DLC1: variants seen among roughly 807,000 people sequenced by gnomAD.
DLC1 encodes DLC1 Rho GTPase activating protein, also known as rho GTPase-activating protein 7.
Under a neutral mutation model 140.3 loss-of-function variants are expected in DLC1, and 54 were observed. The observed-to-expected ratio is 0.38, with a 90% CI of 0.31 to 0.48. The LOEUF (loss-of-function observed/expected upper bound fraction) is 0.48. Among genes scored for constraint, DLC1 ranks in the 20% least tolerant of loss-of-function variants. The probability of loss-of-function intolerance (pLI) is 0.96; values close to 1 mark genes in which losing one functional copy is unlikely to be tolerated. For missense variants in DLC1, 2,536 were observed against 1,907.0 expected, an observed-to-expected ratio of 1.33 and a Z score of -6.14; for synonymous variants, 986 against 728.1, an observed-to-expected ratio of 1.35 and a Z score of -5.70.
chr8:13,603,196 A>T (rs1275890249), intron 1 of DLC1, among the ~76,000 whole-genome samples: 5 of 151,834 alleles, frequency 3.3e-5, no homozygotes, highest in Non-Finnish European at 7.4e-5. Flanking sequence ...ATCCATTTCT[A>T]TGTAGTGTTT....
chr8:13,173,368 C>CTTT (rs35778236), intron 5 of DLC1, among the ~76,000 whole-genome samples: 2,450 of 103,380 alleles, frequency 0.024, 9 homozygotes, highest in East Asian at 0.055. Flanking sequence ...GTTCTGCCCT[C>CTTT]TTTTTTTTTT....
chr8:13,097,515 C>T (rs1818605614), intron 10 of DLC1, among the ~76,000 whole-genome samples: 1 of 152,104 alleles, frequency 6.6e-6, no homozygotes. Context: ...CCACCTATGT[C>T]AGATTCCCAA....
At chr8:13,509,076 G>A (rs1276263675) in intron 1 of DLC1, among the ~76,000 whole-genome samples, 2 of 152,080 alleles carry the variant, frequency 1.3e-5, no homozygotes, top group Non-Finnish European at 2.9e-5. Flanking sequence ...ATTGAAATGT[G>A]GTTTGCTGTA....
chr8:13,455,554 C>G (rs537970587), intron 2 of DLC1, among the ~76,000 whole-genome samples: 23 of 152,294 alleles, frequency 1.5e-4, no homozygotes, highest in Admixed American at 3.3e-4. Context: ...TCCTTCACCC[C>G]CATCTGGAAA....
At chr8:13,563,634 T>G (rs914050810) in intron 1 of DLC1, among the ~76,000 whole-genome samples, 7 of 152,110 alleles carry the variant, frequency 4.6e-5, no homozygotes, top group Admixed American at 6.6e-5. Context: ...ATCTGTCAAT[T>G]TAATCTATAG....
At chr8:13,318,550 T>C (rs940780278) in intron 4 of DLC1, among the ~76,000 whole-genome samples, 1 of 152,160 alleles carries the variant, frequency 6.6e-6, no homozygotes, top group Admixed American at 6.5e-5. Flanking sequence ...AAATTTTCTC[T>C]TTTCTGCACA....
chr8:13,345,258 T>C (rs1240017196), intron 4 of DLC1, among the ~76,000 whole-genome samples: 6 of 152,296 alleles, frequency 3.9e-5, no homozygotes, highest in African/African-American at 1.4e-4. Context: ...CCAACTGTCA[T>C]GTATTCCACC....
At chr8:13,359,737 A>G (rs1158366692) in intron 4 of DLC1, among the ~76,000 whole-genome samples, 1 of 152,234 alleles carries the variant, frequency 6.6e-6, no homozygotes. Flanking sequence ...ATGACATAAA[A>G]TGATATAAAA....
chr8:13,291,053 A>G (rs1831737241), intron 5 of DLC1, among the ~76,000 whole-genome samples: 3 of 152,178 alleles, frequency 2.0e-5, no homozygotes, highest in Non-Finnish European at 2.9e-5. Context: ...GATTACAAGT[A>G]TGTGCCACCA....
chr8:13,113,585 A>C (rs1563624700), intron 6 of DLC1, among the ~76,000 whole-genome samples: 1 of 152,224 alleles, frequency 6.6e-6, no homozygotes, highest in African/African-American at 2.4e-5. Flanking sequence ...TAATTGAAGA[A>C]AACTTAGTTT....
rs533072616 is a variant in DLC1 at position 13,294,357 on chromosome 8, C to T, written c.1348+10912G>A. The stretch of plus-strand genomic sequence containing the variant: ...GAAAGCATTGCTGAGATAAATGGAA[C>T]GCTCAGAAGACAATGACAGTCCATC... On this transcript the variant is annotated intron_variant, in intron 5 of 17. Coordinates refer to ENST00000276297, the MANE Select transcript of DLC1 (RefSeq NM_182643.3). Among the ~76,000 whole-genome samples the T allele has an allele frequency of 5.3e-5, 8 of 152,270 alleles. No homozygotes were observed. The East Asian group carries it at 5.8e-4, about 11-fold the overall frequency.
chr8:13,537,896 C>T (rs377746628), intron 1 of DLC1, among the ~76,000 whole-genome samples: 27 of 152,078 alleles, frequency 1.8e-4, no homozygotes, highest in Admixed American at 9.8e-4. Flanking sequence ...CCTCGTGATC[C>T]GCCCACCTCG....
At chr8:13,586,589 G>GCACACACACACA (rs3066494) in intron 1 of DLC1, among the ~76,000 whole-genome samples, 171 of 143,040 alleles carry the variant, frequency 1.2e-3, no homozygotes, top group South Asian at 1.9e-3. Context: ...AGATGCACAT[G>GCACACACACACA]CACACACACA....
intron 5 of DLC1, among the ~76,000 whole-genome samples, chr8:13,277,862 A>G (rs1008545958): frequency 1.3e-5 from 2 of 152,170 alleles, no homozygotes; most frequent in African/African-American, 4.8e-5. Context: ...AATTATTACC[A>G]TAATTATTTT....
Position 13,102,783 on chromosome 8 carries a change from T to A in DLC1, c.1566+7A>T, listed in dbSNP as rs769902725. Reference sequence around the variant, plus strand: ...CCCTCATTCTATTATGCAATTTGTATACTCACTCGTTTCCGATGAGGACTA... The same window carrying A: ...CCCTCATTCTATTATGCAATTTGTAAACTCACTCGTTTCCGATGAGGACTA... On this transcript the variant is annotated splice_region_variant and intron_variant, in intron 8 of 17. Transcript: ENST00000276297. 6.2e-7 allele frequency: 1 copy of A among 1,613,150 alleles called. No individual in the cohort carries two copies. Among genetic ancestry groups the A allele is most frequent in the South Asian group, 1.1e-5 (1 of 90,956 alleles).
At chr8:13,285,264 A>G (rs1485739907) in intron 5 of DLC1, among the ~76,000 whole-genome samples, 1 of 152,172 alleles carries the variant, frequency 6.6e-6, no homozygotes, top group Non-Finnish European at 1.5e-5. Flanking sequence ...TAATGGTGCT[A>G]AAGTTAGCTA....
chr8:13,256,422 G>T (rs143275092), intron 5 of DLC1, among the ~76,000 whole-genome samples: 1 of 152,082 alleles, frequency 6.6e-6, no homozygotes, highest in African/African-American at 2.4e-5. Context: ...ACACGCACAC[G>T]TATGTTTATT....
chr8:13,208,479 C>G (rs898214712), intron 5 of DLC1, among the ~76,000 whole-genome samples: 1 of 152,096 alleles, frequency 6.6e-6, no homozygotes, highest in African/African-American at 2.4e-5. Flanking sequence ...TTCTATTTTA[C>G]AAAAATGTAG....
At chr8:13,290,809 G>A (rs575145507) in intron 5 of DLC1, among the ~76,000 whole-genome samples, 3 of 152,292 alleles carry the variant, frequency 2.0e-5, no homozygotes, top group South Asian at 2.1e-4. Flanking sequence ...AGGAAAGTGC[G>A]GGTTGTGGAG....
Sources: allele counts gnomAD v4.1 joint callset (sites outside exome capture counted in the v4.1 genomes callset), GRCh38; gene constraint gnomAD v4.1.1; transcripts MANE v1.5; gene names NCBI Gene and HGNC (gene_info 2026-07-23, HGNC 2026-07-21).